ANO10: variants seen among roughly 807,000 people sequenced by gnomAD.
ANO10 encodes anoctamin 10, also known as anoctamin-10.
In ANO10, 77 loss-of-function variants were observed where a neutral mutation model predicts 74.7. The observed-to-expected ratio is 1.03, with a 90% CI of 0.86 to 1.25. The LOEUF (loss-of-function observed/expected upper bound fraction) is 1.25, where lower values mean the gene tolerates loss of function less well. Among genes scored for constraint, ANO10 ranks in the 50% most tolerant of loss-of-function variants. The pLI is 0.00. For synonymous variants in ANO10, 279 were observed against 284.9 expected (o/e 0.98, Z 0.21); for missense variants, 721 against 778.1 (o/e 0.93, Z 0.87).
intron 1 of ANO10, among the ~76,000 whole-genome samples, chr3:43,628,562 C>T (rs2149557662): frequency 6.6e-6 from 1 of 152,260 alleles, no homozygotes; most frequent in East Asian, 1.9e-4. Context: ...GAGAGATAAC[C>T]TTAAACTCTG....
chr3:43,568,748 T>G (rs1355268486), intron 7 of ANO10, among the ~76,000 whole-genome samples: 1 of 141,298 alleles, frequency 7.1e-6, no homozygotes, highest in Non-Finnish European at 1.5e-5. Flanking sequence ...GATCCAAAAT[T>G]GACACCCTAA....
chr3:43,373,538 T>C (rs1404135557), intron 12 of ANO10, among the ~76,000 whole-genome samples: 4 of 152,228 alleles, frequency 2.6e-5, no homozygotes, highest in Non-Finnish European at 5.9e-5. Flanking sequence ...AATGATCTTT[T>C]GAGCCCTGCT....
rs369963482 is a variant in ANO10 at position 43,500,137 on chromosome 3, C to T, written c.1797+49583G>A. Among the ~76,000 whole-genome samples the T allele has an allele frequency of 3.3e-5, 5 of 152,164 alleles. No individual in the cohort carries two copies. In the East Asian group the frequency reaches 7.7e-4, roughly 23 times the overall value. Reference sequence around the variant, plus strand: ...CTGGGATTAGAGGCGTGAGCCACTGCGCCCAGCCCCATGTACTACTAGATC... The same window carrying T: ...CTGGGATTAGAGGCGTGAGCCACTGTGCCCAGCCCCATGTACTACTAGATC... On this transcript the variant is annotated intron_variant, in intron 11 of 12. Transcript: ENST00000292246.
At chr3:43,603,456 C>A (rs536948415) in intron 2 of ANO10, among the ~76,000 whole-genome samples, 18 of 151,860 alleles carry the variant, frequency 1.2e-4, no homozygotes, top group African/African-American at 1.9e-4. Context: ...TTACTGAGTG[C>A]TTTTTTCCTA....
At chr3:43,554,131 T>G (rs2079617131) in intron 10 of ANO10, among the ~76,000 whole-genome samples, 1 of 152,110 alleles carries the variant, frequency 6.6e-6, no homozygotes, top group Non-Finnish European at 1.5e-5. Flanking sequence ...CTGCTGACTG[T>G]CTTTTCTCAT....
At chr3:43,461,249 C>T (rs1327174781) in intron 11 of ANO10, among the ~76,000 whole-genome samples, 1 of 151,960 alleles carries the variant, frequency 6.6e-6, no homozygotes, top group Non-Finnish European at 1.5e-5. Context: ...CAACTTTATA[C>T]CTGTAAGTTA....
At chr3:43,516,412 T>C (rs1248667895) in intron 11 of ANO10, among the ~76,000 whole-genome samples, 2 of 152,084 alleles carry the variant, frequency 1.3e-5, no homozygotes, top group East Asian at 3.9e-4. Flanking sequence ...ATGCCTATAA[T>C]ACAGTATGCA....
chr3:43,466,370 A>C (rs1463201040), intron 11 of ANO10, among the ~76,000 whole-genome samples: 7 of 42,748 alleles, frequency 1.6e-4, no homozygotes, highest in African/African-American at 3.5e-4. Flanking sequence ...ACTCCATCTC[A>C]AAAAAAAAAA....
chr3:43,552,724 ATATATGTATGTATGTATGTATG>A (rs1259727809), intron 10 of ANO10, among the ~76,000 whole-genome samples: 17 of 102,970 alleles, frequency 1.7e-4, no homozygotes, highest in Admixed American at 7.7e-4. Context: ...ATATATATAT[ATATATGTATGTATGTATGTATG>A]TATGTATGTA....
At chr3:43,549,905 A>T (rs899230200) in intron 10 of ANO10, 57 bp from the exon 11 acceptor site, 2 of 1,581,592 alleles carry the variant, frequency 1.3e-6, no homozygotes, top group African/African-American at 2.7e-5. Flanking sequence ...ATATTTCCTC[A>T]TCCTTTTTCA....
Position 43,449,358 on chromosome 3 carries a change from T to C in ANO10, c.1798-16631A>G, listed in dbSNP as rs1426924868. On this transcript the variant is annotated intron_variant, in intron 11 of 12. Transcript: ENST00000292246. Reference sequence around the variant, plus strand: ...ACTTATAAATTATTTCTTTCAAGCTTTTGGAACTGAATTTAAAAAGTAATT... The same window carrying C: ...ACTTATAAATTATTTCTTTCAAGCTCTTGGAACTGAATTTAAAAAGTAATT... 2.6e-5 allele frequency among the ~76,000 whole-genome samples: 4 copies of C among 152,226 alleles called. No individual in the cohort carries two copies. In the East Asian group the frequency reaches 5.8e-4, roughly 22 times the overall value.
rs191004198 is a variant in ANO10 at position 43,658,523 on chromosome 3, G to A, written c.-12+32994C>T. Reference sequence around the variant, plus strand: ...CTCGCACTGTTGCCCGGGCTGGAGTGCAGTGGTGCGATCTCAGCTCACTGC... The same window carrying A: ...CTCGCACTGTTGCCCGGGCTGGAGTACAGTGGTGCGATCTCAGCTCACTGC... On this transcript the variant is annotated intron_variant, in intron 1 of 3. Transcript: ENST00000413397. 3.5e-3 allele frequency among the ~76,000 whole-genome samples: 534 copies of A among 152,112 alleles called. 1 individual carries two copies. Among genetic ancestry groups the A allele is most frequent in the Non-Finnish European group, 4.7e-3 (319 of 67,994 alleles).
rs531504796 is a variant in ANO10, at chr3:43,678,570, C to A, written c.-12+12947G>T. Among the ~76,000 whole-genome samples the A allele has an allele frequency of 2.0e-4, 31 of 152,332 alleles. No individual in the cohort carries two copies. The South Asian group carries it at 2.3e-3, about 11-fold the overall frequency. The stretch of plus-strand genomic sequence containing the variant: ...GCATGCAGCCCGCAGTCACATACCC[C>A]CTGCTTGCTCAATCGATCAGGACCA... On this transcript the variant is annotated intron_variant, in intron 1 of 3. Transcript: ENST00000413397.
At chr3:43,592,045 G>C (rs2149450625) in intron 4 of ANO10, among the ~76,000 whole-genome samples, 1 of 152,352 alleles carries the variant, frequency 6.6e-6, no homozygotes, top group East Asian at 1.9e-4. Flanking sequence ...CAGCAAGGCT[G>C]GGGGAGGGGC....
At chr3:43,587,725 A>G (rs2081543619) in intron 4 of ANO10, among the ~76,000 whole-genome samples, 1 of 152,166 alleles carries the variant, frequency 6.6e-6, no homozygotes, top group Admixed American at 6.5e-5. Flanking sequence ...CCGACATCCC[A>G]TAAGATCTCC....
intron 11 of ANO10, among the ~76,000 whole-genome samples, chr3:43,529,814 T>TA (rs1039760692): frequency 2.0e-5 from 3 of 152,044 alleles, no homozygotes; most frequent in Admixed American, 6.6e-5. Flanking sequence ...TATAGAGGTA[T>TA]AAAACTAACT....
In ANO10 at chr3:43,447,920, G is replaced by A. The variant is rs1452174738; in HGVS notation, c.1798-15193C>T. ...CAGGTTTTCACAAATGCATTGTTATGGCTTGAATTTCTGTGTCCCCACAAA... is the reference window on the plus strand; with the variant it reads ...CAGGTTTTCACAAATGCATTGTTATAGCTTGAATTTCTGTGTCCCCACAAA... On this transcript the variant is annotated intron_variant, in intron 11 of 12. Transcript: ENST00000292246. 2.0e-5 allele frequency among the ~76,000 whole-genome samples: 3 copies of A among 152,144 alleles called. No individual in the cohort carries two copies. The East Asian group carries it at 5.8e-4, about 29-fold the overall frequency.
At position 43,569,037 on chromosome 3, in the gene ANO10, A is replaced by C. The variant is rs1346213257; in HGVS notation, c.1219-3310T>G. Among the ~76,000 whole-genome samples, 18 of 135,776 alleles carry C rather than the reference A, an allele frequency of 1.3e-4. 1 individual carries two copies. The East Asian group carries it at 3.1e-3, about 24-fold the overall frequency. 89.1% of individuals were successfully genotyped at this position (135,776 alleles called of 152,430 possible). A position where few individuals can be genotyped will look rare whatever the true frequency, so the allele number is the denominator to read the frequency against. On this transcript the variant is annotated intron_variant, in intron 7 of 12. Coordinates refer to ENST00000292246, the MANE Select transcript of ANO10 (RefSeq NM_018075.5). ...CGATCCCACAGAAATACAAACTACCATCAGAGAATACTACAAACACCTCTA... is the reference window on the plus strand; with the variant it reads ...CGATCCCACAGAAATACAAACTACCCTCAGAGAATACTACAAACACCTCTA...
intron 11 of ANO10, among the ~76,000 whole-genome samples, chr3:43,452,744 G>A (rs1001769572): frequency 3.3e-5 from 5 of 152,186 alleles, no homozygotes; most frequent in African/African-American, 1.2e-4. Context: ...AACATTTAGT[G>A]GAACTGCTAA....
Sources: gnomAD v4.1 joint callset for allele counts (sites outside exome capture counted in the v4.1 genomes callset) on GRCh38, gnomAD v4.1.1 for gene constraint, MANE v1.5 for transcripts, NCBI Gene and HGNC (gene_info 2026-07-23, HGNC 2026-07-21) for gene names.